The following SNX29 variants were observed in gnomAD, a reference collection of about 807,000 sequenced individuals.
SNX29 encodes sorting nexin-29.
SNX29 carries 78 observed loss-of-function variants against 102.1 expected under a neutral mutation model. The ratio of observed to expected loss-of-function variants is 0.76; its 90% CI spans 0.64 to 0.92. The LOEUF is 0.92. SNX29 is among the 40% of genes least tolerant of loss of function. SNX29 has a pLI of 0.00. For missense variants in SNX29, 1,280 were observed against 1,061.7 expected (o/e 1.21, Z -2.86); for synonymous variants, 580 against 414.5 (o/e 1.40, Z -4.85).
intron 14 of SNX29, among the ~76,000 whole-genome samples, chr16:12,262,593 C>T (rs1324448801): frequency 2.0e-5 from 3 of 152,148 alleles, no homozygotes; most frequent in South Asian, 2.1e-4. Flanking sequence ...GCAGGCCTGT[C>T]GCGGAGTAAG....
intron 3 of SNX29, among the ~76,000 whole-genome samples, chr16:12,026,070 C>A (rs1278313858): frequency 6.6e-6 from 1 of 152,118 alleles, no homozygotes; most frequent in Non-Finnish European, 1.5e-5. Flanking sequence ...AGTATTGTTA[C>A]CATGGGTGTC....
At chr16:12,103,885 C>G (rs769687924) in intron 11 of SNX29, among the ~76,000 whole-genome samples, 1 of 152,226 alleles carries the variant, frequency 6.6e-6, no homozygotes, top group Non-Finnish European at 1.5e-5. Flanking sequence ...GTTTCCTTGT[C>G]TCCATGATCA....
In SNX29 at chr16:12,305,151, G is replaced by A. The variant is rs187350139; in HGVS notation, c.1782+27115G>A. Among the ~76,000 whole-genome samples, 8 of 152,302 alleles carry A rather than the reference G, an allele frequency of 5.3e-5. No homozygotes were observed. The East Asian group carries it at 1.3e-3, about 26-fold the overall frequency. The stretch of plus-strand genomic sequence containing the variant: ...TGAAATCTGTGGGAACTAGAATTTC[G>A]AGTCTGTGCATGCAGTCTGTGTATA... On this transcript the variant is annotated intron_variant, in intron 15 of 20. Coordinates refer to ENST00000566228, the MANE Select transcript of SNX29 (RefSeq NM_032167.5).
At chr16:12,481,409 C>A (rs1004414772) in intron 19 of SNX29, among the ~76,000 whole-genome samples, 1 of 149,160 alleles carries the variant, frequency 6.7e-6, no homozygotes, top group Non-Finnish European at 1.5e-5. Context: ...CACACACACA[C>A]ACATATACAT....
intron 18 of SNX29, among the ~76,000 whole-genome samples, chr16:12,468,026 T>C (rs2151783127): frequency 6.6e-6 from 1 of 152,144 alleles, no homozygotes; most frequent in South Asian, 2.1e-4. Context: ...TCCAGTATCG[T>C]CTTGGATCCC....
At chr16:12,382,873 T>C (rs1011523905) in intron 16 of SNX29, among the ~76,000 whole-genome samples, 1 of 151,988 alleles carries the variant, frequency 6.6e-6, no homozygotes, top group African/African-American at 2.4e-5. Flanking sequence ...GTATCTCTCT[T>C]ATAAGGACAC....
intron 3 of SNX29, among the ~76,000 whole-genome samples, chr16:12,018,818 G>A (rs772516929): frequency 4.6e-5 from 7 of 151,180 alleles, no homozygotes; most frequent in Non-Finnish European, 7.4e-5. Context: ...GAACTCCTGG[G>A]CTCAAGCTGT....
At chr16:12,163,888 C>G (rs2055899273) in intron 13 of SNX29, among the ~76,000 whole-genome samples, 2 of 151,816 alleles carry the variant, frequency 1.3e-5, no homozygotes, top group South Asian at 4.2e-4. Flanking sequence ...GAGGGTGTGT[C>G]CAGATTTGGA....
chr16:12,446,377 A>G (rs1015870435), intron 18 of SNX29, among the ~76,000 whole-genome samples: 4 of 152,166 alleles, frequency 2.6e-5, no homozygotes, highest in African/African-American at 9.6e-5. Flanking sequence ...TGAGACAAGG[A>G]AACTCCTTTC....
intron 20 of SNX29, among the ~76,000 whole-genome samples, chr16:12,544,075 G>A (rs1794311): frequency 2.0e-5 from 3 of 152,068 alleles, no homozygotes; most frequent in African/African-American, 7.2e-5. Context: ...GGTAGGGGTA[G>A]AGGTCTTTCT....
chr16:12,570,713 G>T lies in SNX29; in HGVS notation c.*2084G>T, dbSNP rs149045999. ...GACACCTGCCCCCAAAGCACAGGATGTGAATTGGTCTCTCTCCAGATACCC... is the reference window on the plus strand; with the variant it reads ...GACACCTGCCCCCAAAGCACAGGATTTGAATTGGTCTCTCTCCAGATACCC... On this transcript the variant is annotated 3_prime_UTR_variant, in exon 21 of 21. Transcript: ENST00000566228. The T allele has an allele frequency of 4.3e-6, 1 of 232,132 alleles. No individual in the cohort carries two copies. Among genetic ancestry groups the T allele is most frequent in the Non-Finnish European group, 8.5e-6 (1 of 117,450 alleles). The allele number at this position is 232,132 out of a possible 1,614,324, so 14.4% of individuals were successfully genotyped here.
At chr16:12,413,631 G>T (rs938674398) in intron 18 of SNX29, among the ~76,000 whole-genome samples, 1 of 152,108 alleles carries the variant, frequency 6.6e-6, no homozygotes, top group African/African-American at 2.4e-5. Context: ...AGTGTTCAGT[G>T]GTACGCTGCT....
intron 11 of SNX29, among the ~76,000 whole-genome samples, chr16:12,084,024 C>G (rs1308933610): frequency 6.6e-6 from 1 of 152,168 alleles, no homozygotes; most frequent in East Asian, 1.9e-4. Context: ...TTCAGAGGGA[C>G]TGTATTCTTG....
chr16:12,462,663 G>T (rs2086859981), intron 18 of SNX29, among the ~76,000 whole-genome samples: 1 of 152,078 alleles, frequency 6.6e-6, no homozygotes, highest in Non-Finnish European at 1.5e-5. Flanking sequence ...TTAATTCCAT[G>T]ATTTCAGAAT....
chr16:12,561,458 G>C (rs1344346209), intron 20 of SNX29, among the ~76,000 whole-genome samples: 1 of 152,138 alleles, frequency 6.6e-6, no homozygotes, highest in Non-Finnish European at 1.5e-5. Flanking sequence ...TTCAAAGGCA[G>C]CTCCTAGTAA....
At chr16:12,168,151 G>C (rs1444271871) in intron 13 of SNX29, among the ~76,000 whole-genome samples, 1 of 152,222 alleles carries the variant, frequency 6.6e-6, no homozygotes, top group Non-Finnish European at 1.5e-5. Context: ...TTGCTCTGAA[G>C]GAAAAGTGTA....
At chr16:12,041,454 C>T (rs1596669206) in intron 4 of SNX29, among the ~76,000 whole-genome samples, 1 of 152,228 alleles carries the variant, frequency 6.6e-6, no homozygotes, top group Admixed American at 6.5e-5. Flanking sequence ...AATTAATACA[C>T]AGTTGTTGGC....
At chr16:12,252,440 T>C (rs192565117) in intron 14 of SNX29, among the ~76,000 whole-genome samples, 8 of 152,330 alleles carry the variant, frequency 5.3e-5, no homozygotes, top group Admixed American at 3.3e-4. Context: ...AATTCAGTTT[T>C]CCTGTCTCTA....
intron 13 of SNX29, among the ~76,000 whole-genome samples, chr16:12,169,700 A>C (rs1375443312): frequency 6.6e-6 from 1 of 152,050 alleles, no homozygotes; most frequent in East Asian, 1.9e-4. Flanking sequence ...TCTGTACTAA[A>C]AATACAAAAA....
Sources: allele counts gnomAD v4.1 joint callset (sites outside exome capture counted in the v4.1 genomes callset), GRCh38; gene constraint gnomAD v4.1.1; transcripts MANE v1.5; gene names NCBI Gene and HGNC (gene_info 2026-07-23, HGNC 2026-07-21).